PCNX2: variants seen among roughly 807,000 people sequenced by gnomAD.
PCNX2 encodes pecanex-like protein 2.
In PCNX2, 168 loss-of-function variants were observed where a neutral mutation model predicts 223.8. That is an observed-to-expected ratio of 0.75 (90% CI 0.66 to 0.85). PCNX2 has a LOEUF of 0.85. Among genes scored for constraint, PCNX2 ranks in the 40% least tolerant of loss-of-function variants. The pLI is 0.00. For synonymous variants in PCNX2, 1,006 were observed against 1,052.6 expected, an observed-to-expected ratio of 0.96 and a Z score of 0.86; for missense variants, 2,507 against 2,675.5, an observed-to-expected ratio of 0.94 and a Z score of 1.39.
At chr1:233,271,812 T>A (rs1660652153) in intron 1 of PCNX2, among the ~76,000 whole-genome samples, 1 of 152,248 alleles carries the variant, frequency 6.6e-6, no homozygotes, top group Non-Finnish European at 1.5e-5. Flanking sequence ...CTGGGTTCTC[T>A]GTTCTATTCC....
chr1:233,260,660 T>G (rs1199191861), intron 4 of PCNX2, among the ~76,000 whole-genome samples: 5 of 152,162 alleles, frequency 3.3e-5, no homozygotes, highest in African/African-American at 1.2e-4. Flanking sequence ...TAGAGCGAAT[T>G]AAACTTTACA....
At chr1:233,040,197 T>C (rs987738106) in intron 25 of PCNX2, among the ~76,000 whole-genome samples, 7 of 152,188 alleles carry the variant, frequency 4.6e-5, no homozygotes, top group Admixed American at 4.6e-4. Flanking sequence ...TCTAAGACGA[T>C]TTCTGGAAAA....
At chr1:233,080,427 C>T (rs910740228) in intron 23 of PCNX2, among the ~76,000 whole-genome samples, 78 of 151,516 alleles carry the variant, frequency 5.1e-4, no homozygotes, top group African/African-American at 1.7e-3. Context: ...CACACACACA[C>T]ACATGCACGC....
chr1:233,135,628 T>TAG (rs548164119), intron 20 of PCNX2, among the ~76,000 whole-genome samples: 141 of 152,326 alleles, frequency 9.3e-4, no homozygotes, highest in African/African-American at 3.3e-3. Flanking sequence ...CTGCCCCTGC[T>TAG]AGAGTGAGCT....
intron 15 of PCNX2, among the ~76,000 whole-genome samples, chr1:233,186,175 T>C (rs988402756): frequency 6.6e-6 from 1 of 152,210 alleles, no homozygotes; most frequent in Non-Finnish European, 1.5e-5. Context: ...ATGCCTTTCA[T>C]ATCAGGTTTA....
rs191307252 is a variant in PCNX2, at chr1:233,248,959, G to A, written c.2222+1780C>T. Among the ~76,000 whole-genome samples the A allele has an allele frequency of 1.0e-3, 159 of 152,264 alleles. 1 individual carries two copies. Among genetic ancestry groups the A allele is most frequent in the Non-Finnish European group, 2.6e-4 (18 of 68,034 alleles). ...AAGGCAGGTTAAATATAAAAGAGCT[G>A]TAATCTGGAAAGGAAATGCAGAGGA... On this transcript the variant is annotated intron_variant, in intron 8 of 33. Coordinates refer to ENST00000258229, the MANE Select transcript of PCNX2 (RefSeq NM_014801.4).
At chr1:233,070,605 G>C (rs1672810885) in intron 23 of PCNX2, among the ~76,000 whole-genome samples, 1 of 151,116 alleles carries the variant, frequency 6.6e-6, no homozygotes, top group Non-Finnish European at 1.5e-5. Context: ...TGGGAAAGAA[G>C]AAAAATCACA....
chr1:233,028,269 C>G (rs904297806), intron 25 of PCNX2, among the ~76,000 whole-genome samples: 1 of 152,200 alleles, frequency 6.6e-6, no homozygotes. Context: ...CAGTATCATT[C>G]AAATATGCTA....
chr1:233,086,134 T>C (rs137924319), intron 23 of PCNX2, among the ~76,000 whole-genome samples: 371 of 152,208 alleles, frequency 2.4e-3, no homozygotes, highest in Non-Finnish European at 4.3e-3. Context: ...CAACTAGGTG[T>C]GGACAGGAAA....
chr1:233,115,630 A>G (rs1216153696), intron 21 of PCNX2, among the ~76,000 whole-genome samples: 1 of 152,232 alleles, frequency 6.6e-6, no homozygotes, highest in Admixed American at 6.5e-5. Context: ...TTAGAGAACT[A>G]AAGGGCCAGC....
At chr1:233,167,838 C>G in intron 17 of PCNX2, 2 of 959,962 alleles carry the variant, frequency 2.1e-6, no homozygotes, top group Non-Finnish European at 2.5e-6. Context: ...TGTTAAATAA[C>G]TTTTTGCTCA....
chr1:233,161,515 G>A (rs2102822899), intron 17 of PCNX2, 152 bp from the exon 18 acceptor site: 1 of 188,044 alleles, frequency 5.3e-6, no homozygotes. Context: ...CATACTGGAT[G>A]GGCTGTTCAT....
chr1:233,248,089 T>C (rs2102981904), intron 8 of PCNX2, among the ~76,000 whole-genome samples: 1 of 152,122 alleles, frequency 6.6e-6, no homozygotes, highest in East Asian at 1.9e-4. Flanking sequence ...CTAGGGCCAT[T>C]CAATAAAGAT....
At chr1:233,172,011 T>G (rs553711558) in intron 17 of PCNX2, among the ~76,000 whole-genome samples, 6 of 151,556 alleles carry the variant, frequency 4.0e-5, no homozygotes, top group Admixed American at 1.3e-4. Context: ...AATTGATTCA[T>G]TTGTTTGTTT....
intron 25 of PCNX2, chr1:233,047,391 T>A: frequency 1.0e-6 from 1 of 985,292 alleles, no homozygotes; most frequent in Non-Finnish European, 1.2e-6. Context: ...CTTGGACCCT[T>A]TAAACTCAAA....
the PCNX2 span, among the ~76,000 whole-genome samples, chr1:233,325,154 C>T: frequency 2.0e-5 from 3 of 152,116 alleles, no homozygotes; most frequent in Admixed American, 6.5e-5. Flanking sequence ...AGCAATTGCT[C>T]TGCTATGAGA....
At chr1:233,092,842 A>C (rs1171929745) in intron 22 of PCNX2, among the ~76,000 whole-genome samples, 3 of 152,180 alleles carry the variant, frequency 2.0e-5, no homozygotes, top group African/African-American at 7.2e-5. Flanking sequence ...TCTGTCACCC[A>C]GGCTAGAGTG....
intron 1 of PCNX2, among the ~76,000 whole-genome samples, chr1:233,287,198 C>G (rs952133475): frequency 1.3e-5 from 2 of 152,174 alleles, no homozygotes; most frequent in East Asian, 3.9e-4. Context: ...ACACAAGAGG[C>G]TGTGTATAGT....
chr1:233,170,373 T>G (rs1679079017), intron 17 of PCNX2, among the ~76,000 whole-genome samples: 1 of 152,194 alleles, frequency 6.6e-6, no homozygotes, highest in Non-Finnish European at 1.5e-5. Flanking sequence ...GGTGTGATTT[T>G]AATTTGGAGT....
Sources: allele counts gnomAD v4.1 joint callset (sites outside exome capture counted in the v4.1 genomes callset), GRCh38; gene constraint gnomAD v4.1.1; transcripts MANE v1.5; gene names NCBI Gene and HGNC (gene_info 2026-07-23, HGNC 2026-07-21).